The following FREM3 variants were observed in gnomAD, a reference collection of about 807,000 sequenced individuals.
The protein encoded by FREM3 is FRAS1-related extracellular matrix protein 3.
Under a neutral mutation model 129.1 loss-of-function variants are expected in FREM3, and 105 were observed. The observed-to-expected ratio is 0.81, with a 90% CI of 0.69 to 0.96. The LOEUF (loss-of-function observed/expected upper bound fraction) is 0.96. FREM3 is among the 40% of genes least tolerant of loss of function. The pLI, the probability that FREM3 is intolerant of heterozygous loss-of-function variation, is 0.00. For synonymous variants in FREM3, 1,014 were observed against 1,044.9 expected (o/e 0.97, Z 0.57); for missense variants, 2,593 against 2,666.3 (o/e 0.97, Z 0.61).
At position 143,700,049 on chromosome 4, in the gene FREM3, C is replaced by A; in HGVS notation, c.627G>T (p.Arg209=). The part of the protein sequence containing the change: ...KSGATATRRC[R]LTPLPHEDGP... Reference sequence around the variant, plus strand: ...CGTCCTCGTGAGGAAGTGGGGTAAGCCGGCACCTGCGGGTGGCCGTGGCTC... The same window carrying A: ...CGTCCTCGTGAGGAAGTGGGGTAAGACGGCACCTGCGGGTGGCCGTGGCTC... The change falls in exon 1 of 8, where the codon CGG becomes CGT. Residue 209 remains arginine (R), a synonymous_variant. Coordinates refer to ENST00000329798, the MANE Select transcript of FREM3 (RefSeq NM_001168235.2). 1 of 1,520,444 alleles carries A rather than the reference C, an allele frequency of 6.6e-7. No individual in the cohort carries two copies. The allele number at this position is 1,520,444 out of a possible 1,614,324, so 94.2% of individuals were successfully genotyped here.
chr4:143,588,656 G>A (rs1013416289), intron 6 of FREM3, among the ~76,000 whole-genome samples: 15 of 151,560 alleles, frequency 9.9e-5, no homozygotes, highest in Admixed American at 4.6e-4. Context: ...TTGGACATTT[G>A]GGTTGGTTCC....
chr4:143,590,832 C>T (rs1039347268), intron 6 of FREM3, among the ~76,000 whole-genome samples: 31 of 152,234 alleles, frequency 2.0e-4, no homozygotes, highest in African/African-American at 6.7e-4. Context: ...CCTCCTTGTA[C>T]CTCTGGTAGA....
At chr4:143,644,340 C>T (rs1739377125) in intron 2 of FREM3, among the ~76,000 whole-genome samples, 2 of 151,936 alleles carry the variant, frequency 1.3e-5, no homozygotes, top group Non-Finnish European at 2.9e-5. Context: ...TTCCATTTTC[C>T]GTAAGGTCAT....
intron 4 of FREM3, among the ~76,000 whole-genome samples, chr4:143,622,938 C>G (rs1274070505): frequency 6.6e-6 from 1 of 152,142 alleles, no homozygotes; most frequent in Non-Finnish European, 1.5e-5. Flanking sequence ...TACTTCATAA[C>G]TGATTCATGT....
intron 2 of FREM3, among the ~76,000 whole-genome samples, chr4:143,685,222 G>T (rs1740338807): frequency 6.6e-6 from 1 of 152,072 alleles, no homozygotes; most frequent in South Asian, 2.1e-4. Context: ...AAAGGTGAAG[G>T]AAATAATCTT....
intron 2 of FREM3, among the ~76,000 whole-genome samples, chr4:143,637,859 A>C (rs1739259933): frequency 6.6e-6 from 1 of 152,096 alleles, no homozygotes. Context: ...CAATCTTTGG[A>C]CATGTGGGGC....
At position 143,577,544 on chromosome 4, in the gene FREM3, A is replaced by G. The variant is rs1738061120; in HGVS notation, c.*67T>C. 1.4e-6 allele frequency: 2 copies of G among 1,416,444 alleles called. No homozygotes were observed. The highest frequency in any genetic ancestry group is 2.2e-5 in the Admixed American group (1 of 44,588). 87.7% of individuals were successfully genotyped at this position (1,416,444 alleles called of 1,614,324 possible). ...ATATCCCAGAATTGCTAAGATCTAT[A>G]AACAGTAGAGTTTCATTCTGTTGTT... On this transcript the variant is annotated 3_prime_UTR_variant, in exon 8 of 8. Coordinates refer to ENST00000329798, the MANE Select transcript of FREM3 (RefSeq NM_001168235.2).
At chr4:143,639,212 G>T (rs1392664976) in intron 2 of FREM3, among the ~76,000 whole-genome samples, 1 of 152,168 alleles carries the variant, frequency 6.6e-6, no homozygotes, top group Non-Finnish European at 1.5e-5. Flanking sequence ...AATCAGCAGG[G>T]TGAGTCCTTC....
chr4:143,591,536 G>A (rs1321450224), intron 6 of FREM3, among the ~76,000 whole-genome samples: 1 of 152,174 alleles, frequency 6.6e-6, no homozygotes, highest in Non-Finnish European at 1.5e-5. Flanking sequence ...CAGTTTCCAT[G>A]TAGTTGAGCG....
chr4:143,607,470 C>T (rs1738687500), intron 6 of FREM3, among the ~76,000 whole-genome samples: 1 of 152,084 alleles, frequency 6.6e-6, no homozygotes, highest in Non-Finnish European at 1.5e-5. Flanking sequence ...TCACTTTTTA[C>T]CTTGCTCTGT....
chr4:143,676,781 T>C (rs889869078), intron 2 of FREM3, among the ~76,000 whole-genome samples: 1 of 152,148 alleles, frequency 6.6e-6, no homozygotes, highest in African/African-American at 2.4e-5. Flanking sequence ...ATGAGTGAAC[T>C]CCTATTCACA....
intron 2 of FREM3, among the ~76,000 whole-genome samples, chr4:143,644,695 A>T (rs1001538368): frequency 1.2e-4 from 19 of 152,244 alleles, no homozygotes; most frequent in Non-Finnish European, 2.5e-4. Context: ...TATAATTTTT[A>T]AAAAAGCATT....
At chr4:143,674,621 A>T (rs1156742751) in intron 2 of FREM3, among the ~76,000 whole-genome samples, 1 of 152,230 alleles carries the variant, frequency 6.6e-6, no homozygotes, top group South Asian at 2.1e-4. Context: ...GTCACGACCC[A>T]TCAGTGTGCT....
intron 7 of FREM3, among the ~76,000 whole-genome samples, chr4:143,580,104 G>GA (rs1738105485): frequency 6.6e-6 from 1 of 152,062 alleles, no homozygotes; most frequent in Non-Finnish European, 1.5e-5. Context: ...AAAAAAGAAT[G>GA]AAAAAAAGGG....
At position 143,699,594 on chromosome 4, in the gene FREM3, C is replaced by A; in HGVS notation, c.1082G>T (p.Gly361Val). Reference sequence around the variant, plus strand: ...AGGGTCGTCGGTGCTGACCACGTAGCCCTGTTGCCCCGGGTGCCCTGGTGG... The same window carrying A: ...AGGGTCGTCGGTGCTGACCACGTAGACCTGTTGCCCCGGGTGCCCTGGTGG... ...THPPGHPGQQ[G>V]YVVSTDDPLG... Residue 361 changes from glycine (G) to valine (V), a missense_variant, in exon 1 of 8, where the codon GGC becomes GTC. Transcript: ENST00000329798. This position sits in a 1 kb window ranked among gnomAD's most constrained non-coding sequence, Gnocchi z 4.2. The A allele has an allele frequency of 2.0e-6, 3 of 1,531,124 alleles. No homozygotes were observed. The highest frequency in any genetic ancestry group is 2.6e-6 in the Non-Finnish European group (3 of 1,143,028). 94.8% of individuals were successfully genotyped at this position (1,531,124 alleles called of 1,614,324 possible). A position where few individuals can be genotyped will look rare whatever the true frequency, so the allele number is the denominator to read the frequency against.
In FREM3 at chr4:143,699,917, CT is replaced by C; in HGVS notation, c.758del (p.Gln253ArgfsTer15). On this transcript the variant is annotated frameshift_variant, in exon 1 of 8. Transcript: ENST00000329798. LOFTEE classifies it high-confidence loss of function. The surrounding 1 kb of genome is among the most constrained non-coding windows in gnomAD (Gnocchi z 4.2). Reference protein sequence around the residue: ...EAFLRAGVRYQHTATSSPNRD... With the variant: ...EAFLRAGVRYXHTATSSPNRD... ...GGTTGGGCGAGGAGGTGGCTGTGTG[CT>C]GATAGCGCACCCCAGCACGGAGGAA... 4 of 1,535,894 alleles carry C rather than the reference CT, an allele frequency of 2.6e-6. No individual in the cohort carries two copies. The highest frequency in any genetic ancestry group is 3.5e-6 in the Non-Finnish European group (4 of 1,146,434).
intron 2 of FREM3, among the ~76,000 whole-genome samples, chr4:143,688,828 G>C (rs1225722401): frequency 6.6e-6 from 1 of 152,106 alleles, no homozygotes; most frequent in Non-Finnish European, 1.5e-5. Flanking sequence ...GCCACATGTA[G>C]GCAAATGAAA....
intron 6 of FREM3, among the ~76,000 whole-genome samples, chr4:143,603,703 G>A (rs1169234498): frequency 1.3e-5 from 2 of 152,082 alleles, no homozygotes; most frequent in Non-Finnish European, 2.9e-5. Context: ...AGCCCAGAGA[G>A]GCATTTAAAA....
At position 143,695,904 on chromosome 4, in the gene FREM3, C is replaced by T. The variant is rs368050266; in HGVS notation, c.4772G>A (p.Arg1591His). ...MHGKILYNGS[R>H]PVTTFTKQDL... ...TTGCTTGGTGAAAGTGGTCACGGGA[C>T]GGCTACCATTGTACAAAATCTTGCC... Residue 1591 changes from arginine (R) to histidine (H), a missense_variant, in exon 1 of 8, where the codon CGT becomes CAT. Transcript: ENST00000329798. 3.3e-4 allele frequency: 507 copies of T among 1,537,632 alleles called. 1 individual carries two copies. Among genetic ancestry groups the T allele is most frequent in the Middle Eastern group, 8.3e-4 (5 of 5,994 alleles).
Sources: gnomAD v4.1 joint callset for allele counts (sites outside exome capture counted in the v4.1 genomes callset) on GRCh38, gnomAD v4.1.1 for gene constraint, Gnocchi (gnomAD v3.1) non-coding constraint, MANE v1.5 for transcripts, NCBI Gene and HGNC (gene_info 2026-07-23, HGNC 2026-07-21) for gene names.